Variants in NPBWR1 observed in about 807,000 individuals in gnomAD.
NPBWR1 encodes neuropeptides B/W receptor type 1.
NPBWR1 carries 4 observed loss-of-function variants against 2.8 expected under a neutral mutation model. The observed-to-expected ratio is 1.44, with a 90% CI of 0.71 to 3.29. The LOEUF is 3.29. NPBWR1 is among the 30% of genes most tolerant of loss of function. The pLI, the probability that NPBWR1 is intolerant of heterozygous loss-of-function variation, is 0.01. For missense variants in NPBWR1, 545 were observed against 462.5 expected (o/e 1.18, Z -1.64); for synonymous variants, 250 against 224.5 (o/e 1.11, Z -1.02).
In NPBWR1 at chr8:52,939,887, G is replaced by C. The variant is rs758245513; in HGVS notation, c.-21G>C. The C allele has an allele frequency of 6.7e-7, 1 of 1,501,696 alleles. No individual in the cohort carries two copies. Among genetic ancestry groups the C allele is most frequent in the African/African-American group, 1.4e-5 (1 of 71,634 alleles). 93.0% of individuals were successfully genotyped at this position (1,501,696 alleles called of 1,614,324 possible). Reference sequence around the variant, plus strand: ...CGTCCTTGGGGGACGCCAGGTCGCCGGCTCCTCTGCCCTCGTTGAGATGGA... The same window carrying C: ...CGTCCTTGGGGGACGCCAGGTCGCCCGCTCCTCTGCCCTCGTTGAGATGGA... On this transcript the variant is annotated 5_prime_UTR_variant, in exon 2 of 2. Transcript: ENST00000674939.
In NPBWR1 at chr8:52,940,006, G is replaced by C. The variant is rs1860161875; in HGVS notation, c.99G>C (p.Pro33=). ...CSNASTLAPL[P]APLAVAVPVV... is the part of the protein sequence containing the mutation. ...ACGCGTCGACTCTGGCGCCGCTGCC[G>C]GCGCCGCTGGCGGTGGCTGTACCAG... The change falls in exon 2 of 2, where the codon CCG becomes CCC. Residue 33 remains proline (P), a synonymous_variant. Coordinates refer to ENST00000674939, the MANE Select transcript of NPBWR1 (RefSeq NM_005285.5). 2.4e-5 allele frequency: 39 copies of C among 1,604,066 alleles called. No individual in the cohort carries two copies. Among genetic ancestry groups the C allele is most frequent in the Admixed American group, 5.0e-5 (3 of 59,946 alleles).
Position 52,940,136 on chromosome 8 carries a change from C to T in NPBWR1, c.229C>T (p.Leu77Phe). 1 of 1,613,426 alleles carries T rather than the reference C, an allele frequency of 6.2e-7. No individual in the cohort carries two copies. The highest frequency in any genetic ancestry group is 8.5e-7 in the Non-Finnish European group (1 of 1,180,000). ...RMKTVTNLFILNLAIADELFT... is the reference protein window; with the variant it reads ...RMKTVTNLFIFNLAIADELFT... ...GAAGACCGTCACCAACCTGTTCATC[C>T]TCAACCTGGCCATCGCCGACGAGCT... Residue 77 changes from leucine (L) to phenylalanine (F), a missense_variant, in exon 2 of 2, where the codon CTC (leucine) becomes TTC (phenylalanine). Leu to Phe is a conservative substitution (Grantham distance 22). Transcript: ENST00000674939.
Position 52,940,255 on chromosome 8 carries a change from C to T in NPBWR1, c.348C>T (p.Asp116=), listed in dbSNP as rs201637243. 144 of 1,613,556 alleles carry T rather than the reference C, an allele frequency of 8.9e-5. No homozygotes were observed. Among genetic ancestry groups the T allele is most frequent in the Non-Finnish European group, 1.9e-5 (23 of 1,180,010 alleles). ...TGTGCAAGCTCATCGTGGCTATCGA[C>T]CAGTACAACACCTTCTCCAGCCTCT... ...ELMCKLIVAI[D]QYNTFSSLYF... is the part of the protein sequence containing the mutation. The change falls in exon 2 of 2, where the codon GAC becomes GAT. Residue 116 remains aspartate, a synonymous_variant. Coordinates refer to ENST00000674939, the MANE Select transcript of NPBWR1 (RefSeq NM_005285.5).
Position 52,940,167 on chromosome 8 carries a change from C to A in NPBWR1, c.260C>A (p.Thr87Lys). 1.2e-6 allele frequency: 2 copies of A among 1,613,628 alleles called. No individual in the cohort carries two copies. Among genetic ancestry groups the A allele is most frequent in the Admixed American group, 1.7e-5 (1 of 60,012 alleles). ...CTGGCCATCGCCGACGAGCTCTTCA[C>A]GCTGGTGCTGCCCATCAACATCGCC... ...LNLAIADELF[T>K]LVLPINIADF... Residue 87 changes from threonine (T) to lysine (K), a missense_variant, in exon 2 of 2, where the codon ACG becomes AAG. Physicochemically the swap from Thr to Lys is moderately conservative, Grantham distance 78. Coordinates refer to ENST00000674939, the MANE Select transcript of NPBWR1 (RefSeq NM_005285.5).
chr8:52,941,149 C>A lies in NPBWR1; in HGVS notation c.*255C>A, dbSNP rs895938050. The A allele has an allele frequency of 5.3e-6, 3 of 567,680 alleles. No homozygotes were observed. Among genetic ancestry groups the A allele is most frequent in the Non-Finnish European group, 9.3e-6 (3 of 323,074 alleles). The allele number at this position is 567,680 out of a possible 1,614,324, so 35.2% of individuals were successfully genotyped here. On this transcript the variant is annotated 3_prime_UTR_variant, in exon 2 of 2. Coordinates refer to ENST00000674939, the MANE Select transcript of NPBWR1 (RefSeq NM_005285.5). ...TCGCCACACTGAGGGCTCCCTAAAGCCGAGGTGGAGGAAGAGGAGGGTAGA... is the reference window on the plus strand; with the variant it reads ...TCGCCACACTGAGGGCTCCCTAAAGACGAGGTGGAGGAAGAGGAGGGTAGA...
chr8:52,941,430 C>A lies in NPBWR1; in HGVS notation c.*536C>A, dbSNP rs1020188503. 6.6e-6 allele frequency among the ~76,000 whole-genome samples: 1 copy of A among 152,160 alleles called. No homozygotes were observed. Among genetic ancestry groups the A allele is most frequent in the Non-Finnish European group, 1.5e-5 (1 of 68,034 alleles). ...CAGGCGCGCGCGTTTGGCGCCCACC[C>A]CTGTGAGACCCGCTTGGCCTGGCGC... On this transcript the variant is annotated 3_prime_UTR_variant, in exon 2 of 2. Transcript: ENST00000674939.
At position 52,940,623 on chromosome 8, in the gene NPBWR1, C is replaced by A; in HGVS notation, c.716C>A (p.Ala239Asp). Residue 239 changes from alanine (A) to aspartate (D), a missense_variant, in exon 2 of 2, where the codon GCC becomes GAC. Ala to Asp is a moderately radical substitution (Grantham distance 126). Coordinates refer to ENST00000674939, the MANE Select transcript of NPBWR1 (RefSeq NM_005285.5). ...RLHAMRLDSH[A>D]KALERAKKRV... ...CATGCCATGCGGCTGGACAGCCACG[C>A]CAAGGCCCTGGAGCGCGCCAAGAAG... The A allele has an allele frequency of 1.2e-6, 2 of 1,607,980 alleles. No homozygotes were observed. Among genetic ancestry groups the A allele is most frequent in the Non-Finnish European group, 8.5e-7 (1 of 1,178,488 alleles).
At position 52,942,568 on chromosome 8, in the gene NPBWR1, G is replaced by C. The variant is rs1256214818; in HGVS notation, c.*1674G>C. 6.6e-6 allele frequency among the ~76,000 whole-genome samples: 1 copy of C among 152,062 alleles called. No individual in the cohort carries two copies. Among genetic ancestry groups the C allele is most frequent in the East Asian group, 1.9e-4 (1 of 5,192 alleles). ...GCAGCACATTTTGTTTGCTTAGTTT[G>C]GCATCTTCAATCAATTTCTCAATTA... On this transcript the variant is annotated 3_prime_UTR_variant, in exon 2 of 2. Coordinates refer to ENST00000674939, the MANE Select transcript of NPBWR1 (RefSeq NM_005285.5).
rs371573729 is a variant in NPBWR1 at position 52,940,833 on chromosome 8, T to C, written c.926T>C (p.Phe309Ser). 6.2e-7 allele frequency: 1 copy of C among 1,613,618 alleles called. No individual in the cohort carries two copies. Among genetic ancestry groups the C allele is most frequent in the Non-Finnish European group, 8.5e-7 (1 of 1,179,730 alleles). Residue 309 changes from phenylalanine (F) to serine (S), a missense_variant, in exon 2 of 2, where the codon TTC becomes TCC. Physicochemically the swap from Phe to Ser is radical, Grantham distance 155 (BLOSUM62 -2). Coordinates refer to ENST00000674939, the MANE Select transcript of NPBWR1 (RefSeq NM_005285.5). ...NSCLNPFLYA[F>S]LDASFRRNLR... is the part of the protein sequence containing the mutation. Reference sequence around the variant, plus strand: ...TGCCTCAACCCCTTCCTCTACGCCTTCCTGGACGCCAGCTTCCGCAGGAAC... The same window carrying C: ...TGCCTCAACCCCTTCCTCTACGCCTCCCTGGACGCCAGCTTCCGCAGGAAC...
Position 52,941,193 on chromosome 8 carries a change from T to A in NPBWR1, c.*299T>A. Reference sequence around the variant, plus strand: ...GGGTAGAGGAGGAGGGCGGTATTGCTGGGAACCGCCCCCTCCCTGCCCTGC... The same window carrying A: ...GGGTAGAGGAGGAGGGCGGTATTGCAGGGAACCGCCCCCTCCCTGCCCTGC... On this transcript the variant is annotated 3_prime_UTR_variant, in exon 2 of 2. Coordinates refer to ENST00000674939, the MANE Select transcript of NPBWR1 (RefSeq NM_005285.5). 2.3e-6 allele frequency: 1 copy of A among 439,948 alleles called. No individual in the cohort carries two copies. Among genetic ancestry groups the A allele is most frequent in the South Asian group, 3.2e-5 (1 of 31,288 alleles). 27.3% of individuals were successfully genotyped at this position (439,948 alleles called of 1,614,324 possible).
chr8:52,941,155 T>G lies in NPBWR1; in HGVS notation c.*261T>G. Reference sequence around the variant, plus strand: ...CACTGAGGGCTCCCTAAAGCCGAGGTGGAGGAAGAGGAGGGTAGAGGAGGA... The same window carrying G: ...CACTGAGGGCTCCCTAAAGCCGAGGGGGAGGAAGAGGAGGGTAGAGGAGGA... On this transcript the variant is annotated 3_prime_UTR_variant, in exon 2 of 2. Coordinates refer to ENST00000674939, the MANE Select transcript of NPBWR1 (RefSeq NM_005285.5). 9.0e-6 allele frequency: 5 copies of G among 558,202 alleles called. No individual in the cohort carries two copies. Among genetic ancestry groups the G allele is most frequent in the Non-Finnish European group, 1.6e-5 (5 of 316,808 alleles). 34.6% of individuals were successfully genotyped at this position (558,202 alleles called of 1,614,324 possible).
Position 52,940,338 on chromosome 8 carries a change from C to T in NPBWR1, c.431C>T (p.Ser144Leu), listed in dbSNP as rs1860171931. Residue 144 changes from serine (S) to leucine (L), a missense_variant, in exon 2 of 2, where the codon TCG becomes TTG. Transcript: ENST00000674939. ...CTGGTGGTGTTGGCCACTGCGGAGT[C>T]GCGCCGGGTGGCCGGCCGCACCTAC... ...RYLVVLATAE[S>L]RRVAGRTYSA... 2 of 1,610,592 alleles carry T rather than the reference C, an allele frequency of 1.2e-6. No individual in the cohort carries two copies. Among genetic ancestry groups the T allele is most frequent in the Non-Finnish European group, 1.7e-6 (2 of 1,179,788 alleles).
Position 52,940,288 on chromosome 8 carries a change from C to T in NPBWR1, c.381C>T (p.Leu127=). 6.2e-7 allele frequency: 1 copy of T among 1,613,318 alleles called. No individual in the cohort carries two copies. The highest frequency in any genetic ancestry group is 8.5e-7 in the Non-Finnish European group (1 of 1,179,976). ...ACACCTTCTCCAGCCTCTACTTCCT[C>T]ACCGTCATGAGCGCCGACCGCTACC... is the stretch of plus-strand genomic sequence containing the variant. ...QYNTFSSLYF[L]TVMSADRYLV... is the part of the protein sequence containing the mutation. The change falls in exon 2 of 2, where the codon CTC becomes CTT. Residue 127 remains leucine, a synonymous_variant. Transcript: ENST00000674939.
In NPBWR1 at chr8:52,941,331, C is replaced by A. The variant is rs1018682530; in HGVS notation, c.*437C>A. Among the ~76,000 whole-genome samples the A allele has an allele frequency of 6.6e-6, 1 of 152,216 alleles. No individual in the cohort carries two copies. Among genetic ancestry groups the A allele is most frequent in the African/African-American group, 2.4e-5 (1 of 41,470 alleles). On this transcript the variant is annotated 3_prime_UTR_variant, in exon 2 of 2. Transcript: ENST00000674939. ...TGCCGGCGCCCCCAGGCGTCGGCTC[C>A]GCGCGGCCCCTGCTGTAGCTGGCGC...
rs141178900 is a variant in NPBWR1 at position 52,940,135 on chromosome 8, C to T, written c.228C>T (p.Ile76=). ...PRMKTVTNLF[I]LNLAIADELF... ...TGAAGACCGTCACCAACCTGTTCAT[C>T]CTCAACCTGGCCATCGCCGACGAGC... Residue 76 remains isoleucine, a synonymous_variant, in exon 2 of 2, where the codon ATC becomes ATT. Coordinates refer to ENST00000674939, the MANE Select transcript of NPBWR1 (RefSeq NM_005285.5). 4 of 1,613,406 alleles carry T rather than the reference C, an allele frequency of 2.5e-6. No homozygotes were observed. Among genetic ancestry groups the T allele is most frequent in the South Asian group, 2.2e-5 (2 of 91,082 alleles).
At chr8:52,939,614 G>A in intron 1 of NPBWR1, 97 bp from the exon 2 acceptor site, 1 of 397,640 alleles carries the variant, frequency 2.5e-6, no homozygotes, top group Non-Finnish European at 4.4e-6. Context: ...GGAGGTTTGG[G>A]GCGCCGCGGC....
In NPBWR1 at chr8:52,940,187, A is replaced by G; in HGVS notation, c.280A>G (p.Ile94Val). 6.2e-7 allele frequency: 1 copy of G among 1,613,754 alleles called. No homozygotes were observed. Among genetic ancestry groups the G allele is most frequent in the Non-Finnish European group, 8.5e-7 (1 of 1,179,960 alleles). The change falls in exon 2 of 2, where the codon ATC becomes GTC. Residue 94 changes from isoleucine to valine, a missense_variant. Ile to Val is a conservative substitution (Grantham distance 29). Coordinates refer to ENST00000674939, the MANE Select transcript of NPBWR1 (RefSeq NM_005285.5). ...CTTCACGCTGGTGCTGCCCATCAACATCGCCGACTTCCTGCTGCGGCAGTG... is the reference window on the plus strand; with the variant it reads ...CTTCACGCTGGTGCTGCCCATCAACGTCGCCGACTTCCTGCTGCGGCAGTG... Reference protein sequence around the residue: ...ELFTLVLPINIADFLLRQWPF... With the variant: ...ELFTLVLPINVADFLLRQWPF...
chr8:52,940,400 A>G lies in NPBWR1; in HGVS notation c.493A>G (p.Ile165Val), dbSNP rs1245229724. Residue 165 changes from isoleucine to valine, a missense_variant, in exon 2 of 2, where the codon ATC (isoleucine) becomes GTC (valine). By Grantham distance (29) the Ile-to-Val change is conservative. Transcript: ENST00000674939. ...CGCGGTGAGCCTGGCCGTGTGGGGG[A>G]TCGTCACACTCGTCGTGCTGCCCTT... The part of the protein sequence containing the change: ...ARAVSLAVWG[I>V]VTLVVLPFAV... The G allele has an allele frequency of 6.2e-7, 1 of 1,602,156 alleles. No homozygotes were observed. The highest frequency in any genetic ancestry group is 1.7e-5 in the Admixed American group (1 of 59,794).
chr8:52,941,065 C>A lies in NPBWR1; in HGVS notation c.*171C>A. 1.1e-6 allele frequency: 1 copy of A among 871,026 alleles called. No homozygotes were observed. Among genetic ancestry groups the A allele is most frequent in the Non-Finnish European group, 1.7e-6 (1 of 586,730 alleles). The allele number at this position is 871,026 out of a possible 1,614,324, so 54.0% of individuals were successfully genotyped here. On this transcript the variant is annotated 3_prime_UTR_variant, in exon 2 of 2. Coordinates refer to ENST00000674939, the MANE Select transcript of NPBWR1 (RefSeq NM_005285.5). The stretch of plus-strand genomic sequence containing the variant: ...GCTGCGACTGTGCCCGCAGGTTGAC[C>A]TTGCCAAGCCCTCCAGGTGATGCGC...
Sources: allele counts gnomAD v4.1 joint callset (sites outside exome capture counted in the v4.1 genomes callset), GRCh38; gene constraint gnomAD v4.1.1; transcripts MANE v1.5; gene names NCBI Gene and HGNC (gene_info 2026-07-23, HGNC 2026-07-21).